The following EZH1 variants were observed in gnomAD, a reference collection of about 807,000 sequenced individuals.
The protein encoded by EZH1 is enhancer of zeste 1 polycomb repressive complex 2 subunit.
A neutral mutation model predicts 100.5 loss-of-function variants in EZH1; 33 were observed. That is an observed-to-expected ratio of 0.33 (90% confidence interval 0.25 to 0.44). The LOEUF is 0.44. Ranked by LOEUF, EZH1 falls within the 20% of genes least tolerant of loss-of-function variation. EZH1 has a pLI of 1.00. For synonymous variants in EZH1, 272 were observed against 313.8 expected (o/e 0.87, Z 1.41); for missense variants, 475 against 928.4 (o/e 0.51, Z 6.35).
chr17:42,718,312 G>T lies in EZH1; in HGVS notation c.931+142C>A. ...GCAAAGCATGTTGCACTATAATTGAGCAAGGGAAAATAGAACTGGCCCTTT... is the reference window on the plus strand; with the variant it reads ...GCAAAGCATGTTGCACTATAATTGATCAAGGGAAAATAGAACTGGCCCTTT... On this transcript the variant is annotated intron_variant, in intron 9 of 20. Transcript: ENST00000428826. This position sits in a 1 kb window ranked among gnomAD's most constrained non-coding sequence, Gnocchi z 4.2. 1 of 1,156,128 alleles carries T rather than the reference G, an allele frequency of 8.6e-7. No homozygotes were observed. Among genetic ancestry groups the T allele is most frequent in the Non-Finnish European group, 1.2e-6 (1 of 831,218 alleles). The allele number at this position is 1,156,128 out of a possible 1,614,324, so 71.6% of individuals were successfully genotyped here.
intron 11 of EZH1, among the ~76,000 whole-genome samples, 172 bp downstream of exon 11, chr17:42,713,037 C>CAAAAA: frequency 2.4e-5 from 2 of 83,972 alleles, no homozygotes; most frequent in South Asian, 4.3e-4. Flanking sequence ...GAGACTGTTT[C>CAAAAA]AAAAAAAAAA....
At chr17:42,728,715 C>G in intron 3 of EZH1, 110 bp downstream of exon 3, 1 of 1,160,232 alleles carries the variant, frequency 8.6e-7, no homozygotes, top group Non-Finnish European at 1.2e-6. Flanking sequence ...GCACTCCAAC[C>G]TGGGTGACAG....
chr17:42,736,462 C>T (rs1267771851), intron 1 of EZH1, among the ~76,000 whole-genome samples: 1 of 152,096 alleles, frequency 6.6e-6, no homozygotes, highest in East Asian at 1.9e-4. Context: ...TAGATATATA[C>T]ACACACAATG....
At position 42,718,464 on chromosome 17, in the gene EZH1, G is replaced by A. The variant is rs746768568; in HGVS notation, c.921C>T (p.Cys307=). 12 of 1,613,672 alleles carry A rather than the reference G, an allele frequency of 7.4e-6. No individual in the cohort carries two copies. Among genetic ancestry groups the A allele is most frequent in the Non-Finnish European group, 9.3e-6 (11 of 1,180,004 alleles). The change falls in exon 9 of 21, where the codon TGC becomes TGT. Residue 307 remains cysteine (C), a synonymous_variant. Coordinates refer to ENST00000428826, the MANE Select transcript of EZH1 (RefSeq NM_001991.5). This position sits in a 1 kb window ranked among gnomAD's most constrained non-coding sequence, Gnocchi z 4.2. The stretch of plus-strand genomic sequence containing the variant: ...AGTAGCCCCACTCACGGTGAAGGAA[G>A]CAGTCGTATTTAAAGCAGCGCCGGC... ...LFCRRCFKYD[C]FLHPFHATPN...
chr17:42,734,390 A>AT (rs1336097184), intron 1 of EZH1, among the ~76,000 whole-genome samples: 1 of 151,938 alleles, frequency 6.6e-6, no homozygotes, highest in Non-Finnish European at 1.5e-5. Flanking sequence ...TTTGGCATTC[A>AT]TTTTCCTTTT....
At chr17:42,708,120 A>G (rs1456168242) in intron 14 of EZH1, 37 bp from the exon 15 acceptor site, 3 of 1,558,254 alleles carry the variant, frequency 1.9e-6, no homozygotes, top group Non-Finnish European at 2.6e-6. Context: ...TGCTGTGACC[A>G]TACTCTCCAG....
intron 1 of EZH1, among the ~76,000 whole-genome samples, chr17:42,741,385 T>A (rs1230620874): frequency 6.6e-6 from 1 of 152,144 alleles, no homozygotes; most frequent in African/African-American, 2.4e-5. Context: ...CACGCCCAGC[T>A]AATTGTAGAA....
intron 18 of EZH1, 63 bp downstream of exon 18, chr17:42,704,539 C>T (rs750843163): frequency 3.1e-4 from 418 of 1,366,012 alleles, no homozygotes; most frequent in Non-Finnish European, 4.1e-4. Flanking sequence ...CAGAGCAAGA[C>T]TCCGTCTCAA....
intron 1 of EZH1, 73 bp downstream of exon 1, chr17:42,744,938 T>C: frequency 8.1e-7 from 1 of 1,241,718 alleles, no homozygotes; most frequent in Non-Finnish European, 1.0e-6. Context: ...CGCCTCTCCC[T>C]CCCTCAGGCC....
At chr17:42,732,690 C>G (rs2053975404) in intron 1 of EZH1, among the ~76,000 whole-genome samples, 1 of 152,078 alleles carries the variant, frequency 6.6e-6, no homozygotes. Flanking sequence ...ATGGCGTGAA[C>G]CCCAGGGGGC....
intron 5 of EZH1, among the ~76,000 whole-genome samples, 200 bp from the exon 6 acceptor site, chr17:42,723,115 G>A (rs773472101): frequency 8.5e-5 from 13 of 152,270 alleles, no homozygotes; most frequent in African/African-American, 2.6e-4. Flanking sequence ...GGTGGCTCAC[G>A]CCTGCAATCC....
chr17:42,739,583 C>T (rs546781340), intron 1 of EZH1, among the ~76,000 whole-genome samples: 5 of 151,674 alleles, frequency 3.3e-5, no homozygotes, highest in Non-Finnish European at 7.4e-5. Flanking sequence ...CAAAATTAGC[C>T]GGGCATGGTG....
intron 4 of EZH1, among the ~76,000 whole-genome samples, chr17:42,725,998 C>T (rs1450335474): frequency 2.6e-5 from 4 of 151,998 alleles, no homozygotes; most frequent in African/African-American, 9.7e-5. Flanking sequence ...CCTGCCTCAG[C>T]CTCCTGAGTA....
At chr17:42,744,790 C>A (rs568397023) in intron 1 of EZH1, among the ~76,000 whole-genome samples, 3 of 152,080 alleles carry the variant, frequency 2.0e-5, no homozygotes, top group Non-Finnish European at 2.9e-5. Flanking sequence ...CCCTCGCAGC[C>A]CCAGACGCTG....
chr17:42,732,689 A>AC (rs942416333), intron 1 of EZH1, among the ~76,000 whole-genome samples: 5 of 152,050 alleles, frequency 3.3e-5, no homozygotes, highest in African/African-American at 9.7e-5. Flanking sequence ...AATGGCGTGA[A>AC]CCCCAGGGGG....
At chr17:42,717,571 T>C (rs1419660014) in intron 10 of EZH1, among the ~76,000 whole-genome samples, 1 of 152,224 alleles carries the variant, frequency 6.6e-6, no homozygotes, top group African/African-American at 2.4e-5. Flanking sequence ...ACGGTCCATC[T>C]GGTTGATCAC....
At chr17:42,713,529 G>T in intron 10 of EZH1, 140 bp from the exon 11 acceptor site, 1 of 715,418 alleles carries the variant, frequency 1.4e-6, no homozygotes. Context: ...TAATAAGTAT[G>T]ATCATATAAC....
chr17:42,741,685 A>C (rs1364184125), intron 1 of EZH1, among the ~76,000 whole-genome samples: 3 of 152,084 alleles, frequency 2.0e-5, no homozygotes, highest in Non-Finnish European at 4.4e-5. Flanking sequence ...TAATATTTTG[A>C]ATCGGTTTCT....
intron 1 of EZH1, among the ~76,000 whole-genome samples, chr17:42,738,755 ATT>A (rs763333138): frequency 8.8e-5 from 8 of 91,206 alleles, no homozygotes; most frequent in East Asian, 3.1e-4. Flanking sequence ...CCTGGCCTAG[ATT>A]TTTTTTTTTT....
Sources: allele counts gnomAD v4.1 joint callset (sites outside exome capture counted in the v4.1 genomes callset), GRCh38; gene constraint gnomAD v4.1.1; non-coding constraint Gnocchi (gnomAD v3.1); transcripts MANE v1.5; gene names NCBI Gene and HGNC (gene_info 2026-07-23, HGNC 2026-07-21).